SCNN1B: variants seen among roughly 807,000 people sequenced by gnomAD.
SCNN1B encodes sodium channel epithelial 1 subunit beta, also known as epithelial sodium channel subunit beta.
Under a neutral mutation model 65.3 loss-of-function variants are expected in SCNN1B, and 46 were observed. That is an observed-to-expected ratio of 0.70 (90% CI 0.56 to 0.90). The LOEUF (loss-of-function observed/expected upper bound fraction) is 0.90. Ranked by LOEUF, SCNN1B falls within the 40% of genes least tolerant of loss-of-function variation. The pLI, the probability that SCNN1B is intolerant of heterozygous loss-of-function variation, is 0.00. For synonymous variants in SCNN1B, 349 were observed against 330.6 expected (o/e 1.06, Z -0.60); for missense variants, 751 against 830.5 (o/e 0.90, Z 1.18).
intron 2 of SCNN1B, among the ~76,000 whole-genome samples, chr16:23,349,442 G>T (rs1439486368): frequency 6.6e-6 from 1 of 152,166 alleles, no homozygotes; most frequent in East Asian, 1.9e-4. Flanking sequence ...GGCTGAGATG[G>T]CGCCACTTGA....
rs774594639 is a variant in SCNN1B, at chr16:23,380,476, C to A, written c.1598C>A (p.Ser533Tyr). 6.2e-7 allele frequency: 1 copy of A among 1,614,242 alleles called. No individual in the cohort carries two copies. Among genetic ancestry groups the A allele is most frequent in the Non-Finnish European group, 8.5e-7 (1 of 1,180,040 alleles). The change falls in exon 13 of 13, where the codon TCT becomes TAT. Residue 533 changes from serine (S) to tyrosine (Y), a missense_variant. Physicochemically the swap from Ser to Tyr is moderately radical, Grantham distance 144. Transcript: ENST00000343070. This position sits in a 1 kb window ranked among gnomAD's most constrained non-coding sequence, Gnocchi z 5.4. ...CAGTTTGGCTTCTGGATGGGGGGCTCTGTGCTGTGCCTCATCGAGTTTGGG... is the reference window on the plus strand; with the variant it reads ...CAGTTTGGCTTCTGGATGGGGGGCTATGTGCTGTGCCTCATCGAGTTTGGG... The part of the protein sequence containing the change: ...GGQFGFWMGG[S>Y]VLCLIEFGEI...
At chr16:23,278,408 G>A (rs533853770) in intron 1 of SCNN1B, 1 of 151,998 alleles carries the variant, frequency 6.6e-6, no homozygotes, top group Non-Finnish European at 1.5e-5. Flanking sequence ...ATGATCTGTA[G>A]TTTTGTTTTG....
chr16:23,312,414 C>A (rs1349020845), intron 1 of SCNN1B, among the ~76,000 whole-genome samples: 1 of 152,072 alleles, frequency 6.6e-6, no homozygotes, highest in East Asian at 1.9e-4. Context: ...GGTGGACCCC[C>A]ACCAGTCCAT....
At chr16:23,360,592 T>G (rs1417377134) in intron 4 of SCNN1B, among the ~76,000 whole-genome samples, 2 of 35,198 alleles carry the variant, frequency 5.7e-5, no homozygotes, top group Middle Eastern at 0.019. Context: ...GTGGTGGTGG[T>G]TTTTTTTTTT....
chr16:23,316,083 C>A (rs989228979), intron 1 of SCNN1B, among the ~76,000 whole-genome samples: 5 of 149,728 alleles, frequency 3.3e-5, no homozygotes, highest in African/African-American at 9.8e-5. Flanking sequence ...ATCAGGATCA[C>A]CATCACCACC....
intron 1 of SCNN1B, among the ~76,000 whole-genome samples, chr16:23,336,024 G>A (rs941894333): frequency 6.6e-6 from 1 of 152,152 alleles, no homozygotes; most frequent in African/African-American, 2.4e-5. Flanking sequence ...GCAGCTGCAT[G>A]GCCCCACTTC....
upstream of SCNN1B, among the ~76,000 whole-genome samples, chr16:23,301,149 A>G (rs1345464386): frequency 6.6e-6 from 1 of 152,096 alleles, no homozygotes; most frequent in Non-Finnish European, 1.5e-5. Flanking sequence ...GGATCACTTG[A>G]GTCCAGGAGT....
intron 1 of SCNN1B, among the ~76,000 whole-genome samples, chr16:23,306,121 T>A (rs1324519783): frequency 1.3e-5 from 2 of 151,734 alleles, no homozygotes; most frequent in Non-Finnish European, 2.9e-5. Flanking sequence ...TGGGTGCCTG[T>A]AGTCCCAGCT....
rs753878826 is a variant in SCNN1B at position 23,367,907 on chromosome 16, C to T, written c.828C>T (p.Asn276=). ...ACTATGGCAACTGTTACATCTTCAACTGGGGCATGACAGAGAAGGCACTTC... is the reference window on the plus strand; with the variant it reads ...ACTATGGCAACTGTTACATCTTCAATTGGGGCATGACAGAGAAGGCACTTC... ...YPHYGNCYIF[N]WGMTEKALPS... The change falls in exon 5 of 13, where the codon AAC becomes AAT. Residue 276 remains asparagine (N), a synonymous_variant. Coordinates refer to ENST00000343070, the MANE Select transcript of SCNN1B (RefSeq NM_000336.3). The T allele has an allele frequency of 6.2e-7, 1 of 1,614,218 alleles. No individual in the cohort carries two copies. The highest frequency in any genetic ancestry group is 8.5e-7 in the Non-Finnish European group (1 of 1,180,018).
chr16:23,359,613 T>C (rs979526661), intron 4 of SCNN1B, among the ~76,000 whole-genome samples: 4 of 152,052 alleles, frequency 2.6e-5, no homozygotes, highest in African/African-American at 7.2e-5. Flanking sequence ...CCTCCCTCTC[T>C]CTCTGACTCC....
chr16:23,281,455 C>T (rs1002112347), intron 1 of SCNN1B, among the ~76,000 whole-genome samples: 3 of 151,968 alleles, frequency 2.0e-5, no homozygotes, highest in Admixed American at 2.0e-4. Context: ...CAAACAAAAA[C>T]GATGGAATAA....
chr16:23,318,438 ATC>A (rs928402251), intron 1 of SCNN1B, among the ~76,000 whole-genome samples: 35 of 152,028 alleles, frequency 2.3e-4, no homozygotes, highest in African/African-American at 8.2e-4. Flanking sequence ...GTGAAACCCC[ATC>A]TCTACTAAAA....
Position 23,355,421 on chromosome 16 carries a change from A to G in SCNN1B, c.708A>G (p.Val236=), listed in dbSNP as rs767795966. The G allele has an allele frequency of 7.4e-6, 12 of 1,614,082 alleles. No homozygotes were observed. The Admixed American group carries it at 1.8e-4, about 25-fold the overall frequency. ...IFAQVPQQEL[V]EMSYPGEQMI... ...CACAGGTGCCACAGCAGGAGCTAGT[A>G]GAGATGAGCTACCCCGGCGAGCAGA... Residue 236 remains valine (V), a synonymous_variant, in exon 4 of 13, where the codon GTA becomes GTG. Coordinates refer to ENST00000343070, the MANE Select transcript of SCNN1B (RefSeq NM_000336.3).
chr16:23,288,778 T>A (rs72774343), intron 2 of SCNN1B, among the ~76,000 whole-genome samples: 11,059 of 152,166 alleles, frequency 0.073, 649 homozygotes, highest in East Asian at 0.28. Context: ...CACTGCACTC[T>A]AGCCTGGGTG....
chr16:23,374,601 AT>A (rs1404317265), intron 7 of SCNN1B, among the ~76,000 whole-genome samples: 1 of 148,952 alleles, frequency 6.7e-6, no homozygotes, highest in Non-Finnish European at 1.5e-5. Context: ...AAAAAAAAGA[AT>A]GTAAAACACT....
chr16:23,326,841 C>T (rs189034622), intron 1 of SCNN1B, among the ~76,000 whole-genome samples: 5 of 152,162 alleles, frequency 3.3e-5, no homozygotes, highest in Admixed American at 2.6e-4. Flanking sequence ...CTAGTGGTGA[C>T]GTCTGGGTTT....
intron 1 of SCNN1B, among the ~76,000 whole-genome samples, chr16:23,320,459 G>T (rs561628491): frequency 6.6e-6 from 1 of 152,270 alleles, no homozygotes; most frequent in South Asian, 2.1e-4. Context: ...TGTGTCTGAG[G>T]CCAGACTCCT....
At chr16:23,313,866 T>TC (rs1168792662) in intron 1 of SCNN1B, among the ~76,000 whole-genome samples, 2 of 152,194 alleles carry the variant, frequency 1.3e-5, no homozygotes, top group Non-Finnish European at 2.9e-5. Flanking sequence ...CACCTTGGCC[T>TC]CCCAAAGTAC....
chr16:23,354,599 A>C (rs1326696167), intron 3 of SCNN1B, among the ~76,000 whole-genome samples: 1 of 152,230 alleles, frequency 6.6e-6, no homozygotes, highest in East Asian at 1.9e-4. Flanking sequence ...CCCAGGACAG[A>C]TAAGAGGCAG....
Sources: gnomAD v4.1 joint callset for allele counts (sites outside exome capture counted in the v4.1 genomes callset) on GRCh38, gnomAD v4.1.1 for gene constraint, Gnocchi (gnomAD v3.1) non-coding constraint, MANE v1.5 for transcripts, NCBI Gene and HGNC (gene_info 2026-07-23, HGNC 2026-07-21) for gene names.